Variants in ADAMTS20 observed in about 807,000 individuals in gnomAD.
ADAMTS20 encodes the protein A disintegrin and metalloproteinase with thrombospondin motifs 20.
ADAMTS20 carries 225 observed loss-of-function variants against 260.1 expected under a neutral mutation model. The ratio of observed to expected loss-of-function variants is 0.87; its 90% confidence interval spans 0.78 to 0.97. ADAMTS20 has a LOEUF of 0.97. Among genes scored for constraint, ADAMTS20 ranks in the 50% least tolerant of loss-of-function variants. ADAMTS20 has a pLI of 0.00. For missense variants in ADAMTS20, 2,400 were observed against 2,337.7 expected (o/e 1.03, Z -0.55); for synonymous variants, 802 against 769.5 (o/e 1.04, Z -0.70).
At chr12:43,443,044 T>C (rs796918365) in intron 16 of ADAMTS20, among the ~76,000 whole-genome samples, 11 of 152,310 alleles carry the variant, frequency 7.2e-5, no homozygotes, top group African/African-American at 2.6e-4. Context: ...AAGTTAATTA[T>C]TTGAGTCAAT....
chr12:43,453,455 C>T (rs1941906460), intron 12 of ADAMTS20, among the ~76,000 whole-genome samples: 3 of 151,996 alleles, frequency 2.0e-5, no homozygotes, highest in Admixed American at 2.0e-4. Flanking sequence ...AATGATGCGT[C>T]TATAACACAA....
chr12:43,438,647 T>C (rs985264676), intron 18 of ADAMTS20, among the ~76,000 whole-genome samples: 10 of 152,180 alleles, frequency 6.6e-5, no homozygotes, highest in Non-Finnish European at 1.0e-4. Context: ...AGACTGTTCT[T>C]CACATTCTCA....
At chr12:43,483,550 T>C (rs1319132406) in intron 7 of ADAMTS20, among the ~76,000 whole-genome samples, 1 of 152,158 alleles carries the variant, frequency 6.6e-6, no homozygotes, top group Non-Finnish European at 1.5e-5. Flanking sequence ...AGGTCCAGGC[T>C]TGCACAAGAG....
At chr12:43,400,634 A>G (rs1020187594) in intron 28 of ADAMTS20, among the ~76,000 whole-genome samples, 1 of 151,628 alleles carries the variant, frequency 6.6e-6, no homozygotes, top group African/African-American at 2.4e-5. Flanking sequence ...ACCGTTCCTG[A>G]CCATGTTATC....
At chr12:43,414,270 A>G (rs1941088760) in intron 28 of ADAMTS20, among the ~76,000 whole-genome samples, 1 of 152,116 alleles carries the variant, frequency 6.6e-6, no homozygotes, top group Admixed American at 6.5e-5. Context: ...TCCATTCTCT[A>G]AACAGAACAG....
In ADAMTS20 at chr12:43,532,088, T is replaced by C. The variant is rs138418723; in HGVS notation, c.561A>G (p.Arg187=). ...DGHNKPHLIY[R]QDLNNSFLQT... ...GCAGAAAAGAGTTATTTAAGTCTTG[T>C]CTGTATATAAGATGTGGCTTGTTGT... is the stretch of plus-strand genomic sequence containing the variant. The change falls in exon 3 of 39, where the codon AGA becomes AGG. Residue 187 remains arginine (R), a synonymous_variant. Transcript: ENST00000389420. 1.9e-6 allele frequency: 3 copies of C among 1,610,348 alleles called. No individual in the cohort carries two copies. In the African/African-American group the frequency reaches 4.0e-5, roughly 22 times the overall value.
intron 29 of ADAMTS20, among the ~76,000 whole-genome samples, chr12:43,393,878 G>A (rs1290140186): frequency 6.6e-6 from 1 of 152,032 alleles, no homozygotes; most frequent in Non-Finnish European, 1.5e-5. Flanking sequence ...TAACTTCATT[G>A]TGGCTATGTT....
chr12:43,506,225 T>C (rs892135150), intron 3 of ADAMTS20, among the ~76,000 whole-genome samples: 3 of 151,674 alleles, frequency 2.0e-5, no homozygotes, highest in Admixed American at 6.6e-5. Flanking sequence ...CTAAGTCAAA[T>C]AAGCCAGTTT....
rs549375197 is a variant in ADAMTS20 at position 43,551,004 on chromosome 12, C to G, written c.358G>C (p.Asp120His). The G allele has an allele frequency of 6.2e-7, 1 of 1,613,316 alleles. No homozygotes were observed. The highest frequency in any genetic ancestry group is 1.3e-5 in the African/African-American group (1 of 75,038). Residue 120 changes from aspartate to histidine, a missense_variant, in exon 2 of 39, where the codon GAC becomes CAC. Asp to His is a moderately conservative substitution (Grantham distance 81). Coordinates refer to ENST00000389420, the MANE Select transcript of ADAMTS20 (RefSeq NM_025003.5). The surrounding 1 kb of genome is among the most constrained non-coding windows in gnomAD (Gnocchi z 4.6). Reference protein sequence around the residue: ...GTPERGAWESDAGPSDLRHCF... With the variant: ...GTPERGAWESHAGPSDLRHCF... ...TGGCGCAGGTCCGAGGGCCCTGCGT[C>G]GCTCTCCCAGGCCCCGCGCTCCGGG...
chr12:43,526,075 A>T lies in ADAMTS20; in HGVS notation c.613+5961T>A, dbSNP rs1030081456. Among the ~76,000 whole-genome samples, 80 of 152,228 alleles carry T rather than the reference A, an allele frequency of 5.3e-4. 2 individuals carry two copies. The highest frequency in any genetic ancestry group is 4.9e-3 in the Admixed American group (75 of 15,286). On this transcript the variant is annotated intron_variant, in intron 3 of 38. Transcript: ENST00000389420. The stretch of plus-strand genomic sequence containing the variant: ...ATTCTACCCCAAAACTGCAGAATAC[A>T]CATTCTTCTCATCAGCACATGGAAC...
intron 15 of ADAMTS20, 65 bp from the exon 16 acceptor site, chr12:43,443,948 T>C: frequency 7.8e-7 from 1 of 1,287,852 alleles, no homozygotes; most frequent in Non-Finnish European, 1.1e-6. Flanking sequence ...TTATTACTGC[T>C]GAATGGATGA....
intron 7 of ADAMTS20, among the ~76,000 whole-genome samples, chr12:43,469,821 G>C (rs369780060): frequency 6.6e-6 from 1 of 152,106 alleles, no homozygotes; most frequent in Non-Finnish European, 1.5e-5. Flanking sequence ...GAATGTTTTT[G>C]TTGTGCTTTA....
At chr12:43,526,180 C>T (rs10785441) in intron 3 of ADAMTS20, among the ~76,000 whole-genome samples, 54,993 of 152,050 alleles carry the variant, frequency 0.36, 10,450 homozygotes, top group East Asian at 0.76. Context: ...ATCGGCCAGG[C>T]GCGCAGTGGC....
chr12:43,412,578 C>T (rs913126606), intron 28 of ADAMTS20, among the ~76,000 whole-genome samples: 1 of 152,104 alleles, frequency 6.6e-6, no homozygotes, highest in Non-Finnish European at 1.5e-5. Flanking sequence ...AAGATTGACA[C>T]CTTGCCAATT....
At chr12:43,395,304 T>TA (rs1237882270) in intron 29 of ADAMTS20, among the ~76,000 whole-genome samples, 2 of 152,148 alleles carry the variant, frequency 1.3e-5, no homozygotes, top group African/African-American at 4.8e-5. Context: ...TTTAGGGACT[T>TA]AAAAAATTAA....
In ADAMTS20 at chr12:43,449,879, C is replaced by T. The variant is rs183180417; in HGVS notation, c.2079+2395G>A. 7.6e-4 allele frequency among the ~76,000 whole-genome samples: 116 copies of T among 152,190 alleles called. 1 individual carries two copies. Among genetic ancestry groups the T allele is most frequent in the African/African-American group, 2.7e-3 (114 of 41,538 alleles). ...GGGGTGGTATTTAAAAAGACAGTAT[C>T]CCAGATCTTCTGAATTATAATACTT... On this transcript the variant is annotated intron_variant, in intron 14 of 38. Coordinates refer to ENST00000389420, the MANE Select transcript of ADAMTS20 (RefSeq NM_025003.5).
chr12:43,360,269 T>C (rs2088867), intron 37 of ADAMTS20, among the ~76,000 whole-genome samples: 34,277 of 151,844 alleles, frequency 0.23, 4,624 homozygotes, highest in African/African-American at 0.37. Flanking sequence ...GCCAACAGGG[T>C]GAAACCCTGT....
chr12:43,416,916 A>G (rs1210007249), intron 28 of ADAMTS20, among the ~76,000 whole-genome samples: 1 of 152,030 alleles, frequency 6.6e-6, no homozygotes, highest in Non-Finnish European at 1.5e-5. Flanking sequence ...TCTACCCATC[A>G]ATCCTTAGAC....
chr12:43,463,495 A>T (rs1171831879), intron 10 of ADAMTS20, among the ~76,000 whole-genome samples: 1 of 152,200 alleles, frequency 6.6e-6, no homozygotes, highest in African/African-American at 2.4e-5. Flanking sequence ...AAGAAACAAA[A>T]GTCCACAGAG....
Sources: allele counts gnomAD v4.1 joint callset (sites outside exome capture counted in the v4.1 genomes callset), GRCh38; gene constraint gnomAD v4.1.1; non-coding constraint Gnocchi (gnomAD v3.1); transcripts MANE v1.5; gene names NCBI Gene and HGNC (gene_info 2026-07-23, HGNC 2026-07-21).